The following ZNF577 variants were observed in gnomAD, a reference collection of about 807,000 sequenced individuals.
The protein encoded by ZNF577 is zinc finger protein 577.
A neutral mutation model predicts 13.9 loss-of-function variants in ZNF577; 14 were observed. The ratio of observed to expected loss-of-function variants is 1.00; its 90% CI spans 0.66 to 1.57. The LOEUF is 1.57. Ranked by LOEUF, ZNF577 falls within the 40% of genes most tolerant of loss-of-function variation. The probability of loss-of-function intolerance (pLI) is 0.00; values close to 1 mark genes in which losing one functional copy is unlikely to be tolerated. For synonymous variants in ZNF577, 203 were observed against 202.9 expected (o/e 1.00, Z 0.00); for missense variants, 555 against 579.2 (o/e 0.96, Z 0.43).
chr19:51,861,111 CTCTTTTTTT>C, intron 5 of ZNF577: 1 of 232,182 alleles, frequency 4.3e-6, no homozygotes, highest in Non-Finnish European at 7.4e-6. Flanking sequence ...AATTGACTCT[CTCTTTTTTT>C]TTTTTTTTTT....
In ZNF577 at chr19:51,877,546, C is replaced by T. The variant is rs1026357080; in HGVS notation, c.188-169G>A. 87 of 578,364 alleles carry T rather than the reference C, an allele frequency of 1.5e-4. 2 individuals carry two copies. The South Asian group carries it at 1.6e-3, about 10-fold the overall frequency. The allele number at this position is 578,364 out of a possible 1,614,324, so 35.8% of individuals were successfully genotyped here. On this transcript the variant is annotated intron_variant, in intron 4 of 5. Coordinates refer to ENST00000638348, the MANE Select transcript of ZNF577 (RefSeq NM_001370449.1). ...TGCCAGGGAGGAAAATAACAGTCTG[C>T]GTGACACACCCATACCCATTAGGAT... is the stretch of plus-strand genomic sequence containing the variant.
Position 51,880,324 on chromosome 19 carries a change from T to G in ZNF577, c.59A>C (p.Glu20Ala), listed in dbSNP as rs770101696. Residue 20 changes from glutamate to alanine, a missense_variant and splice_region_variant, in exon 3 of 6, where the codon GAG becomes GCG. Coordinates refer to ENST00000638348, the MANE Select transcript of ZNF577 (RefSeq NM_001370449.1). ...VRREQGSSSGEGSLSFEDVAV... is the reference protein window; with the variant it reads ...VRREQGSSSGAGSLSFEDVAV... ...CTCTCACAGCAATGACAAATTTACCTCCCCTGAAGAACTGCCTTGCTCTCT... is the reference window on the plus strand; with the variant it reads ...CTCTCACAGCAATGACAAATTTACCGCCCCTGAAGAACTGCCTTGCTCTCT... 6.2e-7 allele frequency: 1 copy of G among 1,613,922 alleles called. No homozygotes were observed. The highest frequency in any genetic ancestry group is 8.5e-7 in the Non-Finnish European group (1 of 1,179,932).
intron 5 of ZNF577, among the ~76,000 whole-genome samples, chr19:51,858,570 G>A (rs941716832): frequency 1.1e-4 from 16 of 150,480 alleles, no homozygotes; most frequent in Non-Finnish European, 1.8e-4. Flanking sequence ...AAACAAAATG[G>A]GGAAGGGGCA....
At position 51,824,721 on chromosome 19, in the gene ZNF577, C is replaced by T; in HGVS notation, c.*600-13047G>A. The T allele has an allele frequency of 1.2e-6, 2 of 1,614,072 alleles. No individual in the cohort carries two copies. Among genetic ancestry groups the T allele is most frequent in the Non-Finnish European group, 1.7e-6 (2 of 1,179,996 alleles). ...TTTGCCCACTAGTTTGGAGAGGGCCCTGACTGAGGTCCCTGACTCAGCCCA... is the reference window on the plus strand; with the variant it reads ...TTTGCCCACTAGTTTGGAGAGGGCCTTGACTGAGGTCCCTGACTCAGCCCA... On this transcript the variant is annotated intron_variant and NMD_transcript_variant, in intron 9 of 10. Coordinates refer to the ZNF577 transcript ENST00000638827. The surrounding 1 kb of genome is among the most constrained non-coding windows in gnomAD (Gnocchi z 4.7).
chr19:51,858,959 AAAAG>A (rs1359011574), intron 5 of ZNF577, among the ~76,000 whole-genome samples: 1 of 152,222 alleles, frequency 6.6e-6, no homozygotes, highest in African/African-American at 2.4e-5. Context: ...TCATCATTCT[AAAAG>A]AAAACCCCAT....
intron 6 of ZNF577, chr19:51,844,626 G>C (rs994557419): frequency 2.6e-5 from 4 of 152,162 alleles, no homozygotes; most frequent in Admixed American, 6.5e-5. Flanking sequence ...GGCTACTCTT[G>C]ATCATTTATT....
Position 51,872,821 on chromosome 19 carries a change from G to C in ZNF577, c.1169C>G (p.Pro390Arg). ...TAINSLTVEK[P>R]SSRSHTSLYM... The stretch of plus-strand genomic sequence containing the variant: ...TAAGGAGGTATGACTCCTTGAGGAA[G>C]GTTTCTCCACCGTCAGTGAATTTAT... Residue 390 changes from proline to arginine, a missense_variant, in exon 6 of 6, where the codon CCT becomes CGT. Pro to Arg is a moderately radical substitution (Grantham distance 103). Transcript: ENST00000638348. 1 of 1,614,172 alleles carries C rather than the reference G, an allele frequency of 6.2e-7. No individual in the cohort carries two copies. Among genetic ancestry groups the C allele is most frequent in the Non-Finnish European group, 8.5e-7 (1 of 1,180,030 alleles).
chr19:51,859,696 G>A (rs1451165342), intron 5 of ZNF577, among the ~76,000 whole-genome samples: 4 of 152,000 alleles, frequency 2.6e-5, no homozygotes, highest in Non-Finnish European at 4.4e-5. Flanking sequence ...TCACACTTAC[G>A]TGGTATAATC....
downstream of ZNF577, chr19:51,862,368 G>T (rs190523312): frequency 3.9e-5 from 6 of 152,590 alleles, no homozygotes; most frequent in Admixed American, 3.3e-4. Context: ...ACTTCCAGAT[G>T]AAAGCTTCTT....
chr19:51,865,485 T>A (rs1028362969), downstream of ZNF577, among the ~76,000 whole-genome samples: 1 of 152,230 alleles, frequency 6.6e-6, no homozygotes, highest in African/African-American at 2.4e-5. Flanking sequence ...CATTCTCATA[T>A]GATTCACTCA....
Position 51,853,501 on chromosome 19 carries a change from G to A in ZNF577, c.284-8570C>T, listed in dbSNP as rs891955458. Reference sequence around the variant, plus strand: ...ACCTGCTGGATCTTGGGTGAACTGCGTTGTATTGGTCTTTTTACAGATGCA... The same window carrying A: ...ACCTGCTGGATCTTGGGTGAACTGCATTGTATTGGTCTTTTTACAGATGCA... On this transcript the variant is annotated intron_variant and NMD_transcript_variant, in intron 5 of 10. Transcript: ENST00000638827. Among the ~76,000 whole-genome samples the A allele has an allele frequency of 4.6e-5, 7 of 152,136 alleles. No homozygotes were observed. In the East Asian group the frequency reaches 5.8e-4, roughly 13 times the overall value.
At chr19:51,850,206 G>T (rs1221810497) in intron 5 of ZNF577, among the ~76,000 whole-genome samples, 1 of 152,144 alleles carries the variant, frequency 6.6e-6, no homozygotes, top group Non-Finnish European at 1.5e-5. Flanking sequence ...TCCTGCTTGG[G>T]AAGAGTATCT....
chr19:51,882,289 A>G (rs2122719259), intron 1 of ZNF577, among the ~76,000 whole-genome samples: 1 of 152,196 alleles, frequency 6.6e-6, no homozygotes, highest in East Asian at 1.9e-4. Flanking sequence ...AATTGCACCA[A>G]ATACTCACGC....
At chr19:51,812,024 G>A (rs759879330) in intron 9 of ZNF577, among the ~76,000 whole-genome samples, 3 of 152,120 alleles carry the variant, frequency 2.0e-5, no homozygotes, top group Admixed American at 6.5e-5. Flanking sequence ...AGTATACCTC[G>A]CTTTAACTAC....
rs993193987 is a variant in ZNF577, at chr19:51,871,241, T to C, written c.*1291A>G. 2.6e-5 allele frequency: 4 copies of C among 151,976 alleles called. No homozygotes were observed. The highest frequency in any genetic ancestry group is 9.7e-5 in the African/African-American group (4 of 41,368). The allele number at this position is 151,976 out of a possible 1,614,324, so 9.4% of individuals were successfully genotyped here. ...AATCATCTTGCCTCAGCCTCCCAAG[T>C]AGCTGGGACTATAGGCACACACCAC... On this transcript the variant is annotated 3_prime_UTR_variant, in exon 6 of 6. Transcript: ENST00000638348.
At chr19:51,804,860 C>A (rs1344551254) in exon 11 of ZNF577, 1 of 152,096 alleles carries the variant, frequency 6.6e-6, no homozygotes, top group African/African-American at 2.4e-5. Context: ...GTGGACAAGG[C>A]CCTGAGCTTT....
intron 1 of ZNF577, chr19:51,886,303 A>C (rs1239072321): frequency 6.6e-6 from 1 of 152,164 alleles, no homozygotes; most frequent in East Asian, 1.9e-4. Flanking sequence ...CAGTATACTC[A>C]AATTCCACAT....
At chr19:51,822,532 T>C (rs905351638) in intron 9 of ZNF577, among the ~76,000 whole-genome samples, 3 of 152,224 alleles carry the variant, frequency 2.0e-5, no homozygotes, top group Non-Finnish European at 4.4e-5. Context: ...GATCTTTGTC[T>C]ACTGTTTCCT....
intron 9 of ZNF577, chr19:51,817,552 T>G (rs1342501535): frequency 6.6e-6 from 1 of 151,944 alleles, no homozygotes; most frequent in Non-Finnish European, 1.5e-5. Flanking sequence ...CTATTCCCAC[T>G]GTATGGAAAA....
Sources: gnomAD v4.1 joint callset for allele counts (sites outside exome capture counted in the v4.1 genomes callset) on GRCh38, gnomAD v4.1.1 for gene constraint, Gnocchi (gnomAD v3.1) non-coding constraint, MANE v1.5 for transcripts, NCBI Gene and HGNC (gene_info 2026-07-23, HGNC 2026-07-21) for gene names.